MDGA2: variants seen among roughly 807,000 people sequenced by gnomAD.
MDGA2 encodes MAM domain containing glycosylphosphatidylinositol anchor 2.
A neutral mutation model predicts 117.8 loss-of-function variants in MDGA2; 40 were observed. That is an observed-to-expected ratio of 0.34 (90% CI 0.26 to 0.44). The LOEUF is 0.44. Among genes scored for constraint, MDGA2 ranks in the 20% least tolerant of loss-of-function variants. The probability of loss-of-function intolerance (pLI) is 1.00; values close to 1 mark genes in which losing one functional copy is unlikely to be tolerated. For synonymous variants in MDGA2, 452 were observed against 439.0 expected (o/e 1.03, Z -0.37); for missense variants, 1,123 against 1,250.6 (o/e 0.90, Z 1.54).
chr14:47,084,067 T>A (rs1400998768), intron 6 of MDGA2, among the ~76,000 whole-genome samples: 1 of 152,116 alleles, frequency 6.6e-6, no homozygotes, highest in Non-Finnish European at 1.5e-5. Flanking sequence ...ACTAATAGTA[T>A]CAAATCAACA....
At chr14:47,308,502 G>GTTTTTTTTTTTTTTTTTTTTTT (rs68070912) in intron 1 of MDGA2, among the ~76,000 whole-genome samples, 1 of 112,922 alleles carries the variant, frequency 8.9e-6, no homozygotes, top group Non-Finnish European at 1.9e-5. Flanking sequence ...CTTTCTGTTA[G>GTTTTTTTTTTTTTTTTTTTTTT]TTTTTTTTTT....
chr14:47,666,054 G>T (rs1386347915), intron 1 of MDGA2, among the ~76,000 whole-genome samples: 2 of 151,954 alleles, frequency 1.3e-5, no homozygotes, highest in Admixed American at 1.3e-4. Context: ...AGAACTTTAT[G>T]TCTAGCTAAG....
chr14:47,061,641 T>C (rs2138787365), intron 6 of MDGA2, 63 bp from the exon 7 acceptor site: 1 of 1,299,546 alleles, frequency 7.7e-7, no homozygotes. Context: ...ATTCATTAAC[T>C]GTAGATAATC....
At chr14:47,363,506 C>T (rs1251624296) in intron 1 of MDGA2, among the ~76,000 whole-genome samples, 1 of 152,090 alleles carries the variant, frequency 6.6e-6, no homozygotes. Flanking sequence ...GATTCGCACA[C>T]CTCAGCCTCC....
intron 1 of MDGA2, among the ~76,000 whole-genome samples, chr14:47,528,065 C>A (rs1045662199): frequency 2.0e-5 from 3 of 152,126 alleles, no homozygotes; most frequent in African/African-American, 4.8e-5. Context: ...ATACGATTAC[C>A]CTTGACCTTT....
intron 2 of MDGA2, among the ~76,000 whole-genome samples, chr14:47,240,327 A>G (rs1156743399): frequency 2.0e-5 from 3 of 151,884 alleles, no homozygotes; most frequent in African/African-American, 7.2e-5. Context: ...CACAGGTGTG[A>G]GCCACCACGC....
At chr14:47,435,312 G>T (rs750526889) in intron 1 of MDGA2, among the ~76,000 whole-genome samples, 3 of 152,036 alleles carry the variant, frequency 2.0e-5, no homozygotes, top group African/African-American at 7.2e-5. Context: ...AAGATTTTGT[G>T]TTCTGCCAGA....
At chr14:47,130,617 G>C (rs1438101696) in intron 5 of MDGA2, among the ~76,000 whole-genome samples, 2 of 152,138 alleles carry the variant, frequency 1.3e-5, no homozygotes, top group Admixed American at 1.3e-4. Context: ...AACTGAGTTA[G>C]TTGGATTTGC....
chr14:47,270,933 T>C (rs919157890), intron 2 of MDGA2, among the ~76,000 whole-genome samples: 2 of 152,180 alleles, frequency 1.3e-5, no homozygotes. Context: ...GGAAAATCTA[T>C]ACTTAGCAGG....
At position 47,241,455 on chromosome 14, in the gene MDGA2, T is replaced by A. The variant is rs191319224; in HGVS notation, c.421-23260A>T. 2.5e-3 allele frequency among the ~76,000 whole-genome samples: 376 copies of A among 152,030 alleles called. 3 individuals carry two copies. The highest frequency in any genetic ancestry group is 8.4e-3 in the African/African-American group (350 of 41,530). ...CAATTCCTTCACAGGATAGAAGAAA[T>A]TTAAAAATTATTGTGTTTGTTTTTT... is the stretch of plus-strand genomic sequence containing the variant. On this transcript the variant is annotated intron_variant, in intron 2 of 16. Coordinates refer to ENST00000399232, the MANE Select transcript of MDGA2 (RefSeq NM_001113498.3).
At chr14:47,019,034 C>T (rs1888189157) in intron 8 of MDGA2, among the ~76,000 whole-genome samples, 1 of 152,052 alleles carries the variant, frequency 6.6e-6, no homozygotes, top group Non-Finnish European at 1.5e-5. Flanking sequence ...CTTGAATTTC[C>T]CTTCATCTAG....
chr14:46,938,540 CAAAA>C lies in MDGA2; in HGVS notation c.2090-18384_2090-18381del, dbSNP rs71112472. Reference sequence around the variant, plus strand: ...GGGCAACAAGAACGAAAATCCATCTCAAAAAAAAAAAAAAAAAAAAGAGACATCA... The same window carrying C: ...GGGCAACAAGAACGAAAATCCATCTCAAAAAAAAAAAAAAAAGAGACATCA... On this transcript the variant is annotated intron_variant, in intron 9 of 16. Coordinates refer to ENST00000399232, the MANE Select transcript of MDGA2 (RefSeq NM_001113498.3). Among the ~76,000 whole-genome samples, 212 of 26,998 alleles carry C rather than the reference CAAAA, an allele frequency of 7.9e-3. 5 individuals are homozygous for C. The highest frequency in any genetic ancestry group is 0.019 in the African/African-American group (203 of 10,766). The allele number at this position is 26,998 out of a possible 152,430, so 17.7% of individuals were successfully genotyped here. A position where few individuals can be genotyped will look rare whatever the true frequency, so the allele number is the denominator to read the frequency against.
intron 3 of MDGA2, among the ~76,000 whole-genome samples, chr14:47,185,525 C>T (rs1346768402): frequency 6.6e-6 from 1 of 151,036 alleles, no homozygotes; most frequent in South Asian, 2.1e-4. Context: ...AAAATTGACT[C>T]GAGAGGGAAC....
At chr14:47,025,372 G>A (rs1237582908) in intron 8 of MDGA2, among the ~76,000 whole-genome samples, 1 of 152,112 alleles carries the variant, frequency 6.6e-6, no homozygotes, top group Non-Finnish European at 1.5e-5. Context: ...GCTTAGTGCA[G>A]TGGCTCTTGT....
At chr14:47,445,689 A>G (rs1594860334) in intron 1 of MDGA2, among the ~76,000 whole-genome samples, 2 of 152,182 alleles carry the variant, frequency 1.3e-5, no homozygotes, top group East Asian at 3.9e-4. Context: ...AAATCCAGAG[A>G]GGGACAGCAA....
intron 8 of MDGA2, among the ~76,000 whole-genome samples, chr14:46,961,697 C>T (rs1885816683): frequency 6.6e-6 from 1 of 151,010 alleles, no homozygotes; most frequent in South Asian, 2.1e-4. Context: ...GGCTGGAGTG[C>T]AGTGGCGCAA....
intron 9 of MDGA2, among the ~76,000 whole-genome samples, chr14:46,955,433 A>T (rs1459916782): frequency 6.6e-6 from 1 of 152,126 alleles, no homozygotes; most frequent in Admixed American, 6.6e-5. Context: ...GCAAATGCAA[A>T]GTATTTTTTA....
chr14:47,165,380 T>C (rs1883829113), intron 3 of MDGA2, among the ~76,000 whole-genome samples: 1 of 152,224 alleles, frequency 6.6e-6, no homozygotes. Context: ...TAGTTCAGGC[T>C]TGATATCCCG....
chr14:46,911,877 G>T (rs192126198), intron 10 of MDGA2, among the ~76,000 whole-genome samples: 1 of 152,184 alleles, frequency 6.6e-6, no homozygotes, highest in Admixed American at 6.5e-5. Flanking sequence ...TCCAGTTGAG[G>T]GTCATGGGGT....
Sources: gnomAD v4.1 joint callset for allele counts (sites outside exome capture counted in the v4.1 genomes callset) on GRCh38, gnomAD v4.1.1 for gene constraint, MANE v1.5 for transcripts, NCBI Gene and HGNC (gene_info 2026-07-23, HGNC 2026-07-21) for gene names.